Variants in MTA3 observed in about 807,000 individuals in gnomAD.
The protein encoded by MTA3 is metastasis associated 1 family member 3.
In MTA3, 34 loss-of-function variants were observed where a neutral mutation model predicts 83.5. That is an observed-to-expected ratio of 0.41 (90% CI 0.31 to 0.54). The LOEUF (loss-of-function observed/expected upper bound fraction) is 0.54. Among genes scored for constraint, MTA3 ranks in the 20% least tolerant of loss-of-function variants. MTA3 has a pLI of 0.33. For missense variants in MTA3, 761 were observed against 726.4 expected, an observed-to-expected ratio of 1.05 and a Z score of -0.55; for synonymous variants, 303 against 252.7, an observed-to-expected ratio of 1.20 and a Z score of -1.89.
intron 3 of MTA3, among the ~76,000 whole-genome samples, chr2:42,603,645 A>G (rs929216242): frequency 6.6e-6 from 1 of 152,166 alleles, no homozygotes; most frequent in Non-Finnish European, 1.5e-5. Flanking sequence ...TACTTAGCCA[A>G]TTTTTGGTTT....
chr2:42,649,835 G>C (rs1366898205), intron 6 of MTA3, among the ~76,000 whole-genome samples: 1 of 152,174 alleles, frequency 6.6e-6, no homozygotes, highest in Non-Finnish European at 1.5e-5. Context: ...TAATTTATTT[G>C]AAGCTGTAAA....
chr2:42,589,749 A>G (rs1347118435), intron 3 of MTA3, among the ~76,000 whole-genome samples: 1 of 152,082 alleles, frequency 6.6e-6, no homozygotes, highest in East Asian at 1.9e-4. Context: ...GACAAGTTTC[A>G]CCATGTTGCC....
At chr2:42,602,592 C>T (rs1408100962) in intron 3 of MTA3, among the ~76,000 whole-genome samples, 2 of 152,004 alleles carry the variant, frequency 1.3e-5, no homozygotes, top group Non-Finnish European at 2.9e-5. Context: ...ATTATGGTAC[C>T]ATAAGTTTAA....
chr2:42,538,014 C>CCT (rs1553339364), intron 2 of MTA3, among the ~76,000 whole-genome samples: 1 of 151,914 alleles, frequency 6.6e-6, no homozygotes, highest in East Asian at 2.0e-4. Flanking sequence ...AGGCAGATCA[C>CCT]GAGGTCAGGA....
At chr2:42,713,667 G>A (rs1420330195) in intron 14 of MTA3, among the ~76,000 whole-genome samples, 1 of 152,024 alleles carries the variant, frequency 6.6e-6, no homozygotes. Context: ...TAGGCTTATT[G>A]TTTGTTTCTA....
At chr2:42,725,095 G>A (rs904281688) in intron 16 of MTA3, among the ~76,000 whole-genome samples, 4 of 152,154 alleles carry the variant, frequency 2.6e-5, no homozygotes, top group Admixed American at 6.5e-5. Context: ...ACATGTGCTC[G>A]GCACTTGTGC....
At chr2:42,508,009 A>G (rs143309512) in intron 2 of MTA3, among the ~76,000 whole-genome samples, 85 of 151,704 alleles carry the variant, frequency 5.6e-4, no homozygotes, top group African/African-American at 1.9e-3. Flanking sequence ...ATTCTACCAG[A>G]TTACCTCTTT....
At chr2:42,749,216 C>G (rs1669677790) in intron 16 of MTA3, among the ~76,000 whole-genome samples, 3 of 152,214 alleles carry the variant, frequency 2.0e-5, no homozygotes, top group Admixed American at 6.5e-5. Flanking sequence ...CCCTCAGTTT[C>G]CAGCTGCATT....
At chr2:42,592,604 T>C (rs745842138) in intron 3 of MTA3, among the ~76,000 whole-genome samples, 3 of 152,140 alleles carry the variant, frequency 2.0e-5, no homozygotes. Context: ...ATTTTCACTT[T>C]TTAAACTTTT....
intron 2 of MTA3, among the ~76,000 whole-genome samples, chr2:42,500,294 G>A (rs1296782691): frequency 1.3e-5 from 2 of 152,068 alleles, no homozygotes; most frequent in Non-Finnish European, 2.9e-5. Context: ...AGCTACTCGG[G>A]AGGCTAAGGC....
chr2:42,704,089 G>T, intron 11 of MTA3, 105 bp from the exon 12 acceptor site: 2 of 1,276,442 alleles, frequency 1.6e-6, no homozygotes, highest in Non-Finnish European at 1.1e-6. Flanking sequence ...ATTTTAAAAT[G>T]TTTGTTTATG....
intron 14 of MTA3, 123 bp downstream of exon 14, chr2:42,709,219 T>C: frequency 6.9e-7 from 1 of 1,448,466 alleles, no homozygotes; most frequent in South Asian, 1.5e-5. Context: ...GTACAGCCTT[T>C]TATTTGGTTT....
upstream of MTA3, among the ~76,000 whole-genome samples, chr2:42,565,030 C>T (rs1250220027): frequency 1.3e-5 from 2 of 152,178 alleles, no homozygotes; most frequent in Non-Finnish European, 2.9e-5. Context: ...CCGGCCTCGG[C>T]CTCCCAAAGT....
chr2:42,605,082 C>G (rs898818739), intron 3 of MTA3, among the ~76,000 whole-genome samples: 1 of 151,022 alleles, frequency 6.6e-6, no homozygotes, highest in African/African-American at 2.4e-5. Flanking sequence ...CTGGCCCGTT[C>G]TCAATGAGCT....
intron 4 of MTA3, among the ~76,000 whole-genome samples, chr2:42,631,564 T>C (rs1686675888): frequency 6.6e-6 from 1 of 152,228 alleles, no homozygotes; most frequent in African/African-American, 2.4e-5. Flanking sequence ...GTACAAGATA[T>C]ATTTTGACAG....
At chr2:42,664,566 T>TGGGTTCAA (rs1213078043) in intron 8 of MTA3, among the ~76,000 whole-genome samples, 2 of 143,840 alleles carry the variant, frequency 1.4e-5, no homozygotes, top group African/African-American at 5.1e-5. Context: ...CTCTGCTTCC[T>TGGGTTCAA]GGGTTCAAGT....
upstream of MTA3, among the ~76,000 whole-genome samples, chr2:42,563,934 C>T (rs751943174): frequency 7.9e-5 from 12 of 152,150 alleles, no homozygotes; most frequent in Non-Finnish European, 1.5e-4. Flanking sequence ...AGCCATTCTC[C>T]CGCCTCAGCC....
intron 4 of MTA3, among the ~76,000 whole-genome samples, chr2:42,612,053 CAGTT>C (rs923795269): frequency 6.6e-6 from 1 of 152,104 alleles, no homozygotes; most frequent in Non-Finnish European, 1.5e-5. Context: ...CTGGAAAAGA[CAGTT>C]AGGCCGGGTA....
intron 3 of MTA3, among the ~76,000 whole-genome samples, chr2:42,591,732 T>C (rs1257233853): frequency 2.6e-5 from 4 of 151,970 alleles, no homozygotes; most frequent in Non-Finnish European, 5.9e-5. Flanking sequence ...CTCACTGCAA[T>C]CTCCGCCTTC....
Sources: allele counts gnomAD v4.1 joint callset (sites outside exome capture counted in the v4.1 genomes callset), GRCh38; gene constraint gnomAD v4.1.1; transcripts MANE v1.5; gene names NCBI Gene and HGNC (gene_info 2026-07-23, HGNC 2026-07-21).